Variants in DHX33 observed in about 807,000 individuals in gnomAD.
DHX33 encodes the protein ATP-dependent RNA helicase DHX33.
A neutral mutation model predicts 72.5 loss-of-function variants in DHX33; 42 were observed. The ratio of observed to expected loss-of-function variants is 0.58; its 90% CI spans 0.45 to 0.75. The LOEUF (loss-of-function observed/expected upper bound fraction) is 0.75, where lower values mean the gene tolerates loss of function less well. Ranked by LOEUF, DHX33 falls within the 30% of genes least tolerant of loss-of-function variation. The pLI is 0.00. For synonymous variants in DHX33, 358 were observed against 366.1 expected, an observed-to-expected ratio of 0.98 and a Z score of 0.25; for missense variants, 842 against 917.5, an observed-to-expected ratio of 0.92 and a Z score of 1.06.
At chr17:5,463,288 G>C (rs1904724847) in intron 2 of DHX33, among the ~76,000 whole-genome samples, 1 of 152,112 alleles carries the variant, frequency 6.6e-6, no homozygotes, top group Non-Finnish European at 1.5e-5. Context: ...GTTACTGAAG[G>C]CTTAAGATGT....
At chr17:5,450,759 G>A (rs1916866523) in intron 9 of DHX33, 48 bp downstream of exon 9, 2 of 1,612,696 alleles carry the variant, frequency 1.2e-6, no homozygotes, top group Non-Finnish European at 1.7e-6. Context: ...CTTTGGGACG[G>A]TTAACTGTAA....
At chr17:5,463,735 C>G (rs139124392) in intron 1 of DHX33, 46 bp from the exon 2 acceptor site, 5 of 1,537,978 alleles carry the variant, frequency 3.3e-6, no homozygotes, top group African/African-American at 2.8e-5. Flanking sequence ...GAAATGCAAA[C>G]TGGGGCTCGG....
chr17:5,461,271 C>T, intron 3 of DHX33, 162 bp from the exon 4 acceptor site: 1 of 566,180 alleles, frequency 1.8e-6, no homozygotes, highest in South Asian at 3.3e-5. Flanking sequence ...AAACACCCTG[C>T]TAGAGCACAC....
At position 5,442,250 on chromosome 17, in the gene DHX33, A is replaced by ATTTTTTTTTT. The variant is rs377645589; in HGVS notation, c.*1945_*1954dup. On this transcript the variant is annotated 3_prime_UTR_variant, in exon 12 of 12. Coordinates refer to ENST00000225296, the MANE Select transcript of DHX33 (RefSeq NM_020162.4). ...AGCCACTGCGCCCGGCCACCCCCCA[A>ATTTTTTTTTT]TTTTTTTTTTTTTTTTTTTTTTTTT... 4 of 121,822 alleles carry ATTTTTTTTTT rather than the reference A, an allele frequency of 3.3e-5. No homozygotes were observed. The highest frequency in any genetic ancestry group is 1.2e-4 in the African/African-American group (4 of 32,004). The allele number at this position is 121,822 out of a possible 1,614,324, so 7.5% of individuals were successfully genotyped here.
intron 1 of DHX33, among the ~76,000 whole-genome samples, chr17:5,465,285 C>T (rs1269130887): frequency 1.3e-5 from 2 of 152,144 alleles, no homozygotes; most frequent in African/African-American, 4.8e-5. Flanking sequence ...CTGTCAGCCC[C>T]CTCTGACTGC....
intron 3 of DHX33, 95 bp from the exon 4 acceptor site, chr17:5,461,204 T>C: frequency 7.7e-7 from 1 of 1,305,108 alleles, no homozygotes; most frequent in East Asian, 2.4e-5. Flanking sequence ...TTGAGGCCTG[T>C]GCCACCCCCA....
Position 5,444,592 on chromosome 17 carries a change from C to T in DHX33, c.1816-79G>A. 1.4e-6 allele frequency: 2 copies of T among 1,425,512 alleles called. No individual in the cohort carries two copies. Among genetic ancestry groups the T allele is most frequent in the South Asian group, 2.7e-5 (2 of 75,304 alleles). The allele number at this position is 1,425,512 out of a possible 1,614,324, so 88.3% of individuals were successfully genotyped here. On this transcript the variant is annotated intron_variant, in intron 11 of 11. Transcript: ENST00000225296. This position sits in a 1 kb window ranked among gnomAD's most constrained non-coding sequence, Gnocchi z 4.9. ...AGCACTACACAGCGTGTTGGGGCAA[C>T]TGGACCCACTGGGGCAAAAGCAGCC...
intron 4 of DHX33, among the ~76,000 whole-genome samples, chr17:5,460,367 T>C (rs1216818343): frequency 6.6e-6 from 1 of 152,168 alleles, no homozygotes; most frequent in Non-Finnish European, 1.5e-5. Context: ...AGCTACTGCT[T>C]TAACATGAAA....
Position 5,468,812 on chromosome 17 carries a change from G to C in DHX33, c.48C>G (p.Gly16=). The C allele has an allele frequency of 6.3e-7, 1 of 1,587,368 alleles. No individual in the cohort carries two copies. ...ACCCAGCGCGGCTCGGAGGTCCAGA[G>C]CCTGGCCGGAATCTCTTGGCCGGCG... ...GFPPAKRFRP[G]SGPPSRAGSF... Residue 16 remains glycine, a synonymous_variant, in exon 1 of 12, where the codon GGC becomes GGG. Transcript: ENST00000225296.
chr17:5,455,178 C>G lies in DHX33; in HGVS notation c.1129G>C (p.Ala377Pro). Reference sequence around the variant, plus strand: ...TTCTCACCAGGGTTATACTTCTTTGCTTTAACCATGCCCGTGTCAACTACA... The same window carrying G: ...TTCTCACCAGGGTTATACTTCTTTGGTTTAACCATGCCCGTGTCAACTACA... ...KYVVDTGMVK[A>P]KKYNPDSGLE... The change falls in exon 6 of 12, where the codon GCA becomes CCA. Residue 377 changes from alanine to proline, a missense_variant. Coordinates refer to ENST00000225296, the MANE Select transcript of DHX33 (RefSeq NM_020162.4). 6 of 1,614,010 alleles carry G rather than the reference C, an allele frequency of 3.7e-6. No individual in the cohort carries two copies. Among genetic ancestry groups the G allele is most frequent in the Non-Finnish European group, 5.1e-6 (6 of 1,179,872 alleles).
intron 8 of DHX33, among the ~76,000 whole-genome samples, chr17:5,452,530 ACCCTGTCT>A (rs1237464578): frequency 1.3e-5 from 2 of 151,736 alleles, no homozygotes; most frequent in Non-Finnish European, 2.9e-5. Flanking sequence ...ACAGAGTGAG[ACCCTGTCT>A]CAAAACAAAA....
At chr17:5,454,331 G>C in intron 6 of DHX33, among the ~76,000 whole-genome samples, 1 of 152,050 alleles carries the variant, frequency 6.6e-6, no homozygotes, top group East Asian at 1.9e-4. Context: ...TCGGATTTTG[G>C]GTGCTAAAAC....
At chr17:5,461,217 A>C in intron 3 of DHX33, 108 bp from the exon 4 acceptor site, 1 of 1,175,754 alleles carries the variant, frequency 8.5e-7, no homozygotes, top group Non-Finnish European at 1.2e-6. Flanking sequence ...CACCCCCATC[A>C]CAGTTTACTT....
intron 11 of DHX33, among the ~76,000 whole-genome samples, chr17:5,447,920 T>G (rs1916722748): frequency 6.6e-6 from 1 of 152,204 alleles, no homozygotes; most frequent in Admixed American, 6.5e-5. Flanking sequence ...GGCTCACACC[T>G]GGAATCCCAG....
chr17:5,464,055 G>A (rs1037221768), intron 1 of DHX33, among the ~76,000 whole-genome samples: 1 of 152,030 alleles, frequency 6.6e-6, no homozygotes, highest in Non-Finnish European at 1.5e-5. Flanking sequence ...ATGCAAATCG[G>A]CTGGGCACAG....
At position 5,468,917 on chromosome 17, in the gene DHX33, G is replaced by C; in HGVS notation, c.-58C>G. 1 of 1,541,550 alleles carries C rather than the reference G, an allele frequency of 6.5e-7. No homozygotes were observed. Among genetic ancestry groups the C allele is most frequent in the Non-Finnish European group, 8.8e-7 (1 of 1,142,034 alleles). On this transcript the variant is annotated 5_prime_UTR_variant, in exon 1 of 12. Transcript: ENST00000225296. ...GCCGAGAGCTCCTGCCCCCTCTCAG[G>C]TGCAGACAACAGGAGCACACCGCCC...
intron 10 of DHX33, among the ~76,000 whole-genome samples, chr17:5,449,567 G>A (rs1391461676): frequency 6.6e-6 from 1 of 152,196 alleles, no homozygotes; most frequent in African/African-American, 2.4e-5. Context: ...CTCCCGAGTA[G>A]CTGGGATTAC....
In DHX33 at chr17:5,443,984, A is replaced by C; in HGVS notation, c.*221T>G. 2.0e-6 allele frequency: 1 copy of C among 509,250 alleles called. No homozygotes were observed. The highest frequency in any genetic ancestry group is 3.4e-6 in the Non-Finnish European group (1 of 293,664). 31.5% of individuals were successfully genotyped at this position (509,250 alleles called of 1,614,324 possible). ...AATTAAGTCAAAGTCACCCAGTAAG[A>C]ACCAAAAGCATAATTTTGAGGTTTC... On this transcript the variant is annotated 3_prime_UTR_variant, in exon 12 of 12. Coordinates refer to ENST00000225296, the MANE Select transcript of DHX33 (RefSeq NM_020162.4).
At chr17:5,462,045 T>C (rs1432422284) in intron 3 of DHX33, among the ~76,000 whole-genome samples, 1 of 150,342 alleles carries the variant, frequency 6.7e-6, no homozygotes, top group Non-Finnish European at 1.5e-5. Flanking sequence ...GTTCAGGCGA[T>C]TCTCATGCCT....
Sources: allele counts gnomAD v4.1 joint callset (sites outside exome capture counted in the v4.1 genomes callset), GRCh38; gene constraint gnomAD v4.1.1; non-coding constraint Gnocchi (gnomAD v3.1); transcripts MANE v1.5; gene names NCBI Gene and HGNC (gene_info 2026-07-23, HGNC 2026-07-21).